FSD1L: variants seen among roughly 807,000 people sequenced by gnomAD.
FSD1L encodes fibronectin type III and SPRY domain containing 1 like.
Under a neutral mutation model 71.6 loss-of-function variants are expected in FSD1L, and 45 were observed. The ratio of observed to expected loss-of-function variants is 0.63; its 90% CI spans 0.49 to 0.81. The LOEUF (loss-of-function observed/expected upper bound fraction) is 0.81, where lower values mean the gene tolerates loss of function less well. Ranked by LOEUF, FSD1L falls within the 30% of genes least tolerant of loss-of-function variation. The pLI, the probability that FSD1L is intolerant of heterozygous loss-of-function variation, is 0.00. For missense variants in FSD1L, 561 were observed against 618.1 expected, an observed-to-expected ratio of 0.91 and a Z score of 0.98; for synonymous variants, 197 against 207.2, an observed-to-expected ratio of 0.95 and a Z score of 0.42.
chr9:105,449,433 T>G (rs1417348050), intron 1 of FSD1L, among the ~76,000 whole-genome samples: 2 of 152,212 alleles, frequency 1.3e-5, no homozygotes, highest in Non-Finnish European at 2.9e-5. Flanking sequence ...GTAAAACATC[T>G]CTCAGCTTAT....
chr9:105,521,790 G>T (rs1288633724), intron 10 of FSD1L: 2 of 1,612,506 alleles, frequency 1.2e-6, no homozygotes, highest in African/African-American at 2.7e-5. Context: ...TAACACCTCT[G>T]AAGAAGCCAC....
chr9:105,545,484 G>T (rs1187449303), intron 13 of FSD1L, among the ~76,000 whole-genome samples: 1 of 147,630 alleles, frequency 6.8e-6, no homozygotes, highest in African/African-American at 2.6e-5. Flanking sequence ...GTGAGAGAGG[G>T]CATCCCTGTC....
intron 5 of FSD1L, among the ~76,000 whole-genome samples, chr9:105,478,476 G>A (rs1831958356): frequency 6.6e-6 from 1 of 152,158 alleles, no homozygotes; most frequent in Admixed American, 6.5e-5. Flanking sequence ...ATACAGTGTT[G>A]AGCAAAACAG....
At chr9:105,528,790 TTAAAC>T (rs1323992995) in intron 10 of FSD1L, among the ~76,000 whole-genome samples, 1 of 152,154 alleles carries the variant, frequency 6.6e-6, no homozygotes, top group Non-Finnish European at 1.5e-5. Flanking sequence ...TGGAATCTAA[TTAAAC>T]TAAAGAGCTT....
Position 105,508,633 on chromosome 9 carries a change from A to G in FSD1L, c.813A>G (p.Ser271=). 1 of 1,550,372 alleles carries G rather than the reference A, an allele frequency of 6.5e-7. No individual in the cohort carries two copies. The highest frequency in any genetic ancestry group is 8.7e-7 in the Non-Finnish European group (1 of 1,145,674). The change falls in exon 9 of 14, where the codon TCA becomes TCG. Residue 271 remains serine (S), a synonymous_variant. Coordinates refer to ENST00000481272, the MANE Select transcript of FSD1L (RefSeq NM_001145313.3). The part of the protein sequence containing the change: ...EYTLSGLKFD[S]KYMNFRVRAC... The stretch of plus-strand genomic sequence containing the variant: ...TTTCTTCAGGCTTAAAATTTGATTC[A>G]AAGTATATGAATTTCAGAGTGCGAG...
chr9:105,487,001 T>C (rs1832594384), intron 7 of FSD1L, among the ~76,000 whole-genome samples: 1 of 152,136 alleles, frequency 6.6e-6, no homozygotes, highest in Admixed American at 6.6e-5. Context: ...AAACCTAACA[T>C]ATAATTCACC....
chr9:105,546,502 T>C lies in FSD1L; in HGVS notation c.*19T>C. On this transcript the variant is annotated 3_prime_UTR_variant, in exon 14 of 14. Coordinates refer to ENST00000481272, the MANE Select transcript of FSD1L (RefSeq NM_001145313.3). ...TCAATAGTGTCTACTCAGAATACGTTTACCCTCCGTCTTGATTAGGTGGCC... is the reference window on the plus strand; with the variant it reads ...TCAATAGTGTCTACTCAGAATACGTCTACCCTCCGTCTTGATTAGGTGGCC... 7 of 1,519,866 alleles carry C rather than the reference T, an allele frequency of 4.6e-6. No individual in the cohort carries two copies. Among genetic ancestry groups the C allele is most frequent in the Non-Finnish European group, 6.2e-6 (7 of 1,134,418 alleles). The allele number at this position is 1,519,866 out of a possible 1,614,324, so 94.1% of individuals were successfully genotyped here.
At chr9:105,544,746 G>C (rs1222364534) in intron 13 of FSD1L, among the ~76,000 whole-genome samples, 1 of 152,108 alleles carries the variant, frequency 6.6e-6, no homozygotes, top group Non-Finnish European at 1.5e-5. Context: ...TTGATGTGTG[G>C]TATTATTTCT....
intron 7 of FSD1L, among the ~76,000 whole-genome samples, chr9:105,489,623 T>A (rs901963282): frequency 8.5e-5 from 13 of 152,290 alleles, no homozygotes; most frequent in Non-Finnish European, 1.6e-4. Flanking sequence ...TCATTTAGCA[T>A]TAGGTATATC....
At position 105,548,337 on chromosome 9, in the gene FSD1L, A is replaced by C. The variant is rs1463238958; in HGVS notation, c.*1854A>C. 1 of 152,506 alleles carries C rather than the reference A, an allele frequency of 6.6e-6. No homozygotes were observed. The highest frequency in any genetic ancestry group is 1.5e-5 in the Non-Finnish European group (1 of 67,992). 9.4% of individuals were successfully genotyped at this position (152,506 alleles called of 1,614,324 possible). A position where few individuals can be genotyped will look rare whatever the true frequency, so the allele number is the denominator to read the frequency against. On this transcript the variant is annotated 3_prime_UTR_variant, in exon 14 of 14. Transcript: ENST00000481272. Reference sequence around the variant, plus strand: ...TCATAGACTCAAACCTGAAAGCAGAAATTTTTAGTAGTTGAGTTGCTTTAA... The same window carrying C: ...TCATAGACTCAAACCTGAAAGCAGACATTTTTAGTAGTTGAGTTGCTTTAA...
chr9:105,540,622 T>C (rs534671305), intron 13 of FSD1L, among the ~76,000 whole-genome samples: 14 of 152,246 alleles, frequency 9.2e-5, no homozygotes, highest in Non-Finnish European at 1.8e-4. Context: ...CGTTCTTTAA[T>C]TCCCCATGGA....
chr9:105,464,085 C>CT, intron 2 of FSD1L, 151 bp from the exon 3 acceptor site: 1 of 566,808 alleles, frequency 1.8e-6, no homozygotes. Flanking sequence ...AATTATAAGC[C>CT]TTTGGAAGTT....
At chr9:105,448,761 G>C (rs971794652) in intron 1 of FSD1L, among the ~76,000 whole-genome samples, 1 of 152,188 alleles carries the variant, frequency 6.6e-6, no homozygotes, top group African/African-American at 2.4e-5. Flanking sequence ...CTTTTCCTAA[G>C]TAGATCTTAG....
chr9:105,520,186 C>T (rs1236297554), intron 10 of FSD1L: 2 of 1,611,334 alleles, frequency 1.2e-6, no homozygotes, highest in East Asian at 2.2e-5. Flanking sequence ...GTGCTAGACA[C>T]CAAGAAGGAC....
chr9:105,481,463 G>A (rs1270018621), intron 6 of FSD1L, among the ~76,000 whole-genome samples: 1 of 151,492 alleles, frequency 6.6e-6, no homozygotes, highest in Non-Finnish European at 1.5e-5. Flanking sequence ...TTGTGTGTGT[G>A]TGTGTTTTGT....
intron 10 of FSD1L, chr9:105,523,322 G>A (rs1835303365): frequency 6.9e-6 from 11 of 1,589,032 alleles, no homozygotes; most frequent in Non-Finnish European, 2.6e-6. Flanking sequence ...TCGATGAGAA[G>A]CTCCACCACG....
At chr9:105,517,150 A>G (rs1834779261) in intron 10 of FSD1L, among the ~76,000 whole-genome samples, 1 of 152,226 alleles carries the variant, frequency 6.6e-6, no homozygotes, top group African/African-American at 2.4e-5. Flanking sequence ...GGAATGAACA[A>G]AGGCTCCAAG....
chr9:105,447,938 C>T (rs1829716992), upstream of FSD1L: 2 of 519,462 alleles, frequency 3.9e-6, no homozygotes, highest in East Asian at 3.6e-5. Flanking sequence ...GACAGACGGG[C>T]GGCGCTCCCC....
intron 3 of FSD1L, among the ~76,000 whole-genome samples, chr9:105,466,141 C>T (rs1184712177): frequency 6.6e-6 from 1 of 152,052 alleles, no homozygotes; most frequent in East Asian, 1.9e-4. Flanking sequence ...AAAACAATCC[C>T]ATTTGCTGTA....
Sources: allele counts gnomAD v4.1 joint callset (sites outside exome capture counted in the v4.1 genomes callset), GRCh38; gene constraint gnomAD v4.1.1; transcripts MANE v1.5; gene names NCBI Gene and HGNC (gene_info 2026-07-23, HGNC 2026-07-21).